Variants in BOLL observed in about 807,000 individuals in gnomAD.
BOLL encodes the protein protein boule-like.
BOLL carries 23 observed loss-of-function variants against 44.4 expected under a neutral mutation model. The ratio of observed to expected loss-of-function variants is 0.52; its 90% confidence interval spans 0.37 to 0.73. The LOEUF (loss-of-function observed/expected upper bound fraction) is 0.73, where lower values mean the gene tolerates loss of function less well. BOLL is among the 30% of genes least tolerant of loss of function. The probability of loss-of-function intolerance (pLI) is 0.00; values close to 1 mark genes in which losing one functional copy is unlikely to be tolerated. For missense variants in BOLL, 287 were observed against 338.3 expected (o/e 0.85, Z 1.19); for synonymous variants, 97 against 110.8 (o/e 0.88, Z 0.78).
intron 10 of BOLL, among the ~76,000 whole-genome samples, chr2:197,735,241 C>G (rs1009993608): frequency 9.2e-5 from 14 of 152,070 alleles, no homozygotes; most frequent in Admixed American, 9.2e-4. Context: ...TAGTGTGAGT[C>G]TTTTGCAGTA....
chr2:197,737,133 G>A (rs1262752303), intron 10 of BOLL, among the ~76,000 whole-genome samples: 1 of 151,914 alleles, frequency 6.6e-6, no homozygotes, highest in African/African-American at 2.4e-5. Context: ...ATCTATTACT[G>A]AGAACATGGG....
chr2:197,762,608 CA>C, intron 7 of BOLL, among the ~76,000 whole-genome samples: 1 of 152,118 alleles, frequency 6.6e-6, no homozygotes, highest in Middle Eastern at 3.4e-3. Context: ...GAAAAACATT[CA>C]AAACTATACA....
chr2:197,736,801 C>T lies in BOLL; in HGVS notation c.828+6260G>A, dbSNP rs371023127. ...TTTTGTTTTGCTGTTAAAATTTCTG[C>T]ACATTCTTTCTGTTCCATTTATTCT... On this transcript the variant is annotated intron_variant, in intron 10 of 10. Transcript: ENST00000392296. Among the ~76,000 whole-genome samples the T allele has an allele frequency of 1.9e-4, 29 of 152,140 alleles. 1 individual carries two copies. The highest frequency in any genetic ancestry group is 6.5e-4 in the African/African-American group (27 of 41,546).
chr2:197,728,735 A>T (rs1686967685), intron 10 of BOLL, among the ~76,000 whole-genome samples, 157 bp from the exon 11 acceptor site: 1 of 152,018 alleles, frequency 6.6e-6, no homozygotes. Context: ...GAGGCTAGCA[A>T]TTTAGGAGGG....
chr2:197,732,740 G>A (rs1205159127), intron 10 of BOLL, among the ~76,000 whole-genome samples: 1 of 147,518 alleles, frequency 6.8e-6, no homozygotes, highest in Non-Finnish European at 1.5e-5. Flanking sequence ...TGCAGAAAAA[G>A]CCTTTGACAA....
chr2:197,776,544 C>T (rs926811328), intron 4 of BOLL, among the ~76,000 whole-genome samples: 1 of 151,840 alleles, frequency 6.6e-6, no homozygotes, highest in African/African-American at 2.4e-5. Flanking sequence ...TGTTAGAGAA[C>T]ATAACTGCCA....
intron 6 of BOLL, 132 bp from the exon 7 acceptor site, chr2:197,766,735 T>C: frequency 7.8e-6 from 5 of 637,954 alleles, no homozygotes; most frequent in Non-Finnish European, 1.4e-5. Context: ...TTCTACCTCT[T>C]ATTGATATGA....
chr2:197,753,885 C>A (rs1688379566), intron 9 of BOLL, among the ~76,000 whole-genome samples: 1 of 152,074 alleles, frequency 6.6e-6, no homozygotes, highest in African/African-American at 2.4e-5. Context: ...TGGAACCAAC[C>A]CAAATGCCCA....
chr2:197,783,317 G>T (rs1049068059), intron 1 of BOLL, among the ~76,000 whole-genome samples: 16 of 152,094 alleles, frequency 1.1e-4, no homozygotes, highest in Non-Finnish European at 1.5e-5. Context: ...AATAACAAAA[G>T]CTTGAAGTTC....
In BOLL at chr2:197,730,001, G is replaced by A. The variant is rs202231463; in HGVS notation, c.829-1423C>T. On this transcript the variant is annotated intron_variant, in intron 10 of 10. Transcript: ENST00000392296. ...GAGCTGAGAGAAGAAGGCTTCAGACGATCAAATTACTCTGAGCTACGGGAG... is the reference window on the plus strand; with the variant it reads ...GAGCTGAGAGAAGAAGGCTTCAGACAATCAAATTACTCTGAGCTACGGGAG... Among the ~76,000 whole-genome samples, 29 of 151,304 alleles carry A rather than the reference G, an allele frequency of 1.9e-4. 1 individual carries two copies. In the East Asian group the frequency reaches 3.1e-3, roughly 16 times the overall value.
In BOLL at chr2:197,777,127, T is replaced by G. The variant is rs1264305526; in HGVS notation, c.222-14A>C. On this transcript the variant is annotated splice_polypyrimidine_tract_variant and intron_variant, in intron 3 of 10. Transcript: ENST00000392296. ...ACGAAACCATACCTAAATAAATGCATTAATTATTACTAATTAATCATTTTC... is the reference window on the plus strand; with the variant it reads ...ACGAAACCATACCTAAATAAATGCAGTAATTATTACTAATTAATCATTTTC... 2.1e-6 allele frequency: 3 copies of G among 1,459,600 alleles called. No individual in the cohort carries two copies. The African/African-American group carries it at 4.3e-5, about 21-fold the overall frequency. The allele number at this position is 1,459,600 out of a possible 1,614,324, so 90.4% of individuals were successfully genotyped here. A position where few individuals can be genotyped will look rare whatever the true frequency, so the allele number is the denominator to read the frequency against.
intron 7 of BOLL, among the ~76,000 whole-genome samples, chr2:197,766,148 G>A (rs1250669138): frequency 1.3e-5 from 2 of 151,910 alleles, no homozygotes; most frequent in African/African-American, 2.4e-5. Flanking sequence ...ATGAACATTC[G>A]CATGCATGTG....
intron 8 of BOLL, 110 bp downstream of exon 8, chr2:197,757,243 T>C: frequency 1.2e-6 from 1 of 853,922 alleles, no homozygotes. Flanking sequence ...AATAAGTTAA[T>C]AAACAGAAGA....
At chr2:197,736,390 A>T (rs1182628927) in intron 10 of BOLL, among the ~76,000 whole-genome samples, 1 of 152,128 alleles carries the variant, frequency 6.6e-6, no homozygotes, top group African/African-American at 2.4e-5. Flanking sequence ...GTAGGATCTT[A>T]GATTAGATCC....
At chr2:197,742,997 A>G in intron 10 of BOLL, 64 bp downstream of exon 10, 1 of 1,298,510 alleles carries the variant, frequency 7.7e-7, no homozygotes. Context: ...CTAGAAGAGA[A>G]AGTTGGAAAA....
chr2:197,786,159 ACCCCGGC>A, upstream of BOLL: 1 of 1,149,954 alleles, frequency 8.7e-7, no homozygotes, highest in African/African-American at 1.6e-5. This position sits in a 1 kb window ranked among gnomAD's most constrained non-coding sequence, Gnocchi z 5.9. Flanking sequence ...GCAGGCTCGG[ACCCCGGC>A]CCTGAACCTG....
intron 5 of BOLL, among the ~76,000 whole-genome samples, chr2:197,775,441 G>A (rs528830919): frequency 2.4e-4 from 36 of 151,284 alleles, no homozygotes; most frequent in African/African-American, 8.2e-4. Context: ...GTAACTACAT[G>A]GAATATACTT....
intron 6 of BOLL, among the ~76,000 whole-genome samples, chr2:197,767,108 T>A (rs776487084): frequency 6.6e-6 from 1 of 152,020 alleles, no homozygotes; most frequent in Non-Finnish European, 1.5e-5. Context: ...TTTTAGTAAT[T>A]TGACATTTAA....
At chr2:197,766,805 A>G (rs1214863062) in intron 6 of BOLL, among the ~76,000 whole-genome samples, 1 of 152,056 alleles carries the variant, frequency 6.6e-6, no homozygotes, top group Non-Finnish European at 1.5e-5. Flanking sequence ...ACGTGGTTTC[A>G]TTTCCATAGT....
Sources: allele counts gnomAD v4.1 joint callset (sites outside exome capture counted in the v4.1 genomes callset), GRCh38; gene constraint gnomAD v4.1.1; non-coding constraint Gnocchi (gnomAD v3.1); transcripts MANE v1.5; gene names NCBI Gene and HGNC (gene_info 2026-07-23, HGNC 2026-07-21).